Variants in TASP1 observed in about 807,000 individuals in gnomAD.
The protein encoded by TASP1 is taspase 1, also known as threonine aspartase 1.
Under a neutral mutation model 56.6 loss-of-function variants are expected in TASP1, and 16 were observed. That is an observed-to-expected ratio of 0.28 (90% CI 0.19 to 0.43). TASP1 has a LOEUF of 0.43. TASP1 is among the 20% of genes least tolerant of loss of function. The probability of loss-of-function intolerance (pLI) is 1.00; values close to 1 mark genes in which losing one functional copy is unlikely to be tolerated. For missense variants in TASP1, 393 were observed against 511.6 expected (o/e 0.77, Z 2.24); for synonymous variants, 179 against 184.2 (o/e 0.97, Z 0.23).
At chr20:13,136,618 T>TAA in the TASP1 span, among the ~76,000 whole-genome samples, 29,573 of 146,060 alleles carry the variant, frequency 0.2, 3,812 homozygotes, top group South Asian at 0.44. Context: ...TATATATATA[T>TAA]AATATACATA....
chr20:13,164,824 G>T, the TASP1 span: 1 of 1,613,716 alleles, frequency 6.2e-7, no homozygotes, highest in Non-Finnish European at 8.5e-7. Flanking sequence ...AAGTCAGCAC[G>T]TCCTGAGCTC....
Position 13,435,101 on chromosome 20 carries a change from G to A in TASP1, c.1039C>T (p.Arg347Cys), listed in dbSNP as rs1292234711. The change falls in exon 12 of 14, where the codon CGT (arginine) becomes TGT (cysteine). Residue 347 changes from arginine (R) to cysteine (C), a missense_variant. Physicochemically the swap from Arg to Cys is radical, Grantham distance 180. Around this residue, in one of 3 missense-constraint regions of TASP1, gnomAD observed 293 missense variants for 354.2 expected, o/e 0.83. Transcript: ENST00000337743. ...DGVLGGVIVLRSCRCSAEPDS... is the reference protein window; with the variant it reads ...DGVLGGVIVLCSCRCSAEPDS... ...GGCTCGGCAGAACATCTGCATGAAC[G>A]GAGGACAATCACTCCGCCAAGCACG... 3.7e-6 allele frequency: 6 copies of A among 1,610,570 alleles called. No individual in the cohort carries two copies. The highest frequency in any genetic ancestry group is 1.3e-5 in the African/African-American group (1 of 74,820).
the TASP1 span, chr20:13,299,066 G>A: frequency 1.7e-5 from 27 of 1,613,670 alleles, no homozygotes; most frequent in Non-Finnish European, 2.1e-5. This position sits in a 1 kb window ranked among gnomAD's most constrained non-coding sequence, Gnocchi z 5.8. Context: ...CCTACAGCAC[G>A]GCCGACATCT....
chr20:13,124,549 G>T, the TASP1 span, among the ~76,000 whole-genome samples: 2 of 152,060 alleles, frequency 1.3e-5, no homozygotes, highest in African/African-American at 4.8e-5. Context: ...GATGGAAAAA[G>T]GAAGTCATAG....
At chr20:13,122,119 C>G in the TASP1 span, among the ~76,000 whole-genome samples, 1 of 152,194 alleles carries the variant, frequency 6.6e-6, no homozygotes, top group African/African-American at 2.4e-5. Flanking sequence ...GCCACCTTTC[C>G]TCCATCTCTA....
chr20:13,483,173 A>G (rs757304848), intron 11 of TASP1, 54 bp downstream of exon 11: 2 of 1,332,270 alleles, frequency 1.5e-6, no homozygotes, highest in South Asian at 1.4e-5. Flanking sequence ...TAGTGCTTAT[A>G]GAAGTGAAAT....
At chr20:13,393,541 C>G (rs2041376427) in intron 13 of TASP1, 1 of 803,256 alleles carries the variant, frequency 1.2e-6, no homozygotes, top group Admixed American at 1.7e-5. Context: ...GATACCCACT[C>G]TTCCATCTTC....
intron 13 of TASP1, among the ~76,000 whole-genome samples, chr20:13,396,356 T>C (rs1273933498): frequency 6.6e-6 from 1 of 152,242 alleles, no homozygotes; most frequent in African/African-American, 2.4e-5. Flanking sequence ...TGAAAGCAGA[T>C]GTACTCAACT....
At chr20:13,509,495 G>A (rs746150965) in intron 10 of TASP1, among the ~76,000 whole-genome samples, 5 of 151,936 alleles carry the variant, frequency 3.3e-5, no homozygotes, top group Non-Finnish European at 5.9e-5. Flanking sequence ...TTATTCTCAC[G>A]ACACCAAAAA....
intron 11 of TASP1, among the ~76,000 whole-genome samples, chr20:13,457,778 T>A (rs1302455233): frequency 1.3e-5 from 2 of 152,152 alleles, no homozygotes; most frequent in African/African-American, 4.8e-5. Flanking sequence ...CACAATCTAA[T>A]AGAGCTATGT....
chr20:13,638,907 G>C lies in TASP1; in HGVS notation c.-88C>G, dbSNP rs1039398680. 2 of 152,472 alleles carry C rather than the reference G, an allele frequency of 1.3e-5. No homozygotes were observed. The highest frequency in any genetic ancestry group is 6.5e-5 in the Admixed American group (1 of 15,278). 9.4% of individuals were successfully genotyped at this position (152,472 alleles called of 1,614,324 possible). On this transcript the variant is annotated 5_prime_UTR_variant, in exon 1 of 14. Coordinates refer to ENST00000337743, the MANE Select transcript of TASP1 (RefSeq NM_017714.3). ...AGGGACACTCACCCGCTTCAGCCCC[G>C]AGCCTTCACTGCACCGGAAGTAGTC...
intron 10 of TASP1, among the ~76,000 whole-genome samples, chr20:13,487,322 C>G (rs935057483): frequency 3.9e-5 from 6 of 152,142 alleles, no homozygotes; most frequent in Admixed American, 2.0e-4. Flanking sequence ...TCAGACCTCC[C>G]CAACAGTGTC....
At chr20:13,191,521 T>C in the TASP1 span, among the ~76,000 whole-genome samples, 87 of 152,318 alleles carry the variant, frequency 5.7e-4, no homozygotes, top group African/African-American at 2.0e-3. Flanking sequence ...CTCATTCATA[T>C]GTGGAAGCTA....
chr20:13,224,971 A>C, the TASP1 span, among the ~76,000 whole-genome samples: 3 of 148,442 alleles, frequency 2.0e-5, no homozygotes, highest in African/African-American at 7.5e-5. Flanking sequence ...TCAGCCTCCC[A>C]AGTAGCTGGG....
intron 6 of TASP1, among the ~76,000 whole-genome samples, chr20:13,570,463 G>A (rs191524509): frequency 5.3e-5 from 8 of 152,004 alleles, no homozygotes; most frequent in African/African-American, 1.9e-4. Context: ...TTAAAAACTC[G>A]AAGTAACACA....
At chr20:13,581,112 A>C (rs981433716) in intron 5 of TASP1, 131 bp from the exon 6 acceptor site, 6 of 722,616 alleles carry the variant, frequency 8.3e-6, no homozygotes, top group Non-Finnish European at 1.1e-5. Context: ...ATATCAAATA[A>C]TACTAATGAA....
intron 12 of TASP1, among the ~76,000 whole-genome samples, chr20:13,426,406 T>C (rs1255978634): frequency 5.9e-5 from 9 of 152,168 alleles, no homozygotes; most frequent in Admixed American, 5.9e-4. Flanking sequence ...TATTCTATAT[T>C]TCAGATGGAA....
At chr20:13,400,827 A>G (rs1160873662) in intron 13 of TASP1, among the ~76,000 whole-genome samples, 3 of 152,264 alleles carry the variant, frequency 2.0e-5, no homozygotes, top group Non-Finnish European at 4.4e-5. Context: ...CAGAACATAA[A>G]AGTCATACAT....
At chr20:13,278,375 G>A in the TASP1 span, among the ~76,000 whole-genome samples, 1 of 152,184 alleles carries the variant, frequency 6.6e-6, no homozygotes, top group Admixed American at 6.5e-5. Flanking sequence ...TGGGGTGAGT[G>A]AAAATTGTAG....
Sources: gnomAD v4.1 joint callset for allele counts (sites outside exome capture counted in the v4.1 genomes callset) on GRCh38, gnomAD v4.1.1 for gene constraint, gnomAD v4.1.1 regional missense constraint, Gnocchi (gnomAD v3.1) non-coding constraint, MANE v1.5 for transcripts, NCBI Gene and HGNC (gene_info 2026-07-23, HGNC 2026-07-21) for gene names.